Variants in VWF observed in about 807,000 individuals in gnomAD.
The protein encoded by VWF is Factor VIII related antigen.
In VWF, 176 loss-of-function variants were observed where a neutral mutation model predicts 308.6. The observed-to-expected ratio is 0.57, with a 90% CI of 0.50 to 0.65. The LOEUF (loss-of-function observed/expected upper bound fraction) is 0.65. Ranked by LOEUF, VWF falls within the 30% of genes least tolerant of loss-of-function variation. VWF has a pLI of 0.00. For missense variants in VWF, 3,146 were observed against 3,648.2 expected (o/e 0.86, Z 3.55); for synonymous variants, 1,385 against 1,443.4 (o/e 0.96, Z 0.92).
chr12:6,087,751 T>G (rs1396801736), intron 6 of VWF, among the ~76,000 whole-genome samples: 1 of 151,718 alleles, frequency 6.6e-6, no homozygotes, highest in Admixed American at 6.6e-5. Flanking sequence ...AGGTAGGGGG[T>G]TGAAGTAGAT....
intron 6 of VWF, among the ~76,000 whole-genome samples, chr12:6,084,167 T>C (rs1436394013): frequency 6.6e-6 from 1 of 152,146 alleles, no homozygotes; most frequent in Non-Finnish European, 1.5e-5. Flanking sequence ...TTCTGCAAAA[T>C]GAAATCAAAT....
intron 27 of VWF, chr12:6,021,299 C>G (rs992828441): frequency 3.2e-5 from 5 of 154,554 alleles, no homozygotes. Flanking sequence ...ATGCTCCCTA[C>G]TTATGAGCAG....
chr12:5,981,676 T>C, intron 42 of VWF, 110 bp downstream of exon 42: 2 of 1,236,276 alleles, frequency 1.6e-6, no homozygotes, highest in Non-Finnish European at 1.2e-6. Context: ...TAGCAAATAT[T>C]GGATGGGTAG....
rs1944835596 is a variant in VWF, at chr12:6,075,750, C to T, written c.658-199G>A. ...CTGGACCCGTGCAATGTGAAGTAGACCAAGGCTAAGGTTACATCCTAGACT... is the reference window on the plus strand; with the variant it reads ...CTGGACCCGTGCAATGTGAAGTAGATCAAGGCTAAGGTTACATCCTAGACT... On this transcript the variant is annotated intron_variant, in intron 6 of 51. Coordinates refer to ENST00000261405, the MANE Select transcript of VWF (RefSeq NM_000552.5). The surrounding 1 kb of genome is among the most constrained non-coding windows in gnomAD (Gnocchi z 4.7). Among the ~76,000 whole-genome samples the T allele has an allele frequency of 6.6e-6, 1 of 152,212 alleles. No homozygotes were observed. Among genetic ancestry groups the T allele is most frequent in the African/African-American group, 2.4e-5 (1 of 41,444 alleles).
intron 3 of VWF, 49 bp from the exon 4 acceptor site, chr12:6,111,017 A>T: frequency 6.7e-7 from 1 of 1,483,348 alleles, no homozygotes; most frequent in Non-Finnish European, 9.4e-7. Context: ...CTCTCAAAAA[A>T]TGAATACATT....
At chr12:6,021,296 C>G (rs1337968393) in intron 27 of VWF, 1 of 154,402 alleles carries the variant, frequency 6.5e-6, no homozygotes, top group Non-Finnish European at 1.4e-5. Context: ...TAAATGCTCC[C>G]TACTTATGAG....
chr12:6,011,630 G>A lies in VWF; in HGVS notation c.5829C>T (p.Arg1943=). ...PVKVEETCGC[R]WTCPCVCTGS... is the part of the protein sequence containing the mutation. ...CAAAGGACTCACAGGGGCAGGTCCAGCGGCAGCCACAGGTCTCTTCCACTT... is the reference window on the plus strand; with the variant it reads ...CAAAGGACTCACAGGGGCAGGTCCAACGGCAGCCACAGGTCTCTTCCACTT... The change falls in exon 34 of 52, where the codon CGC becomes CGT. Residue 1943 remains arginine (R), a synonymous_variant. Coordinates refer to ENST00000261405, the MANE Select transcript of VWF (RefSeq NM_000552.5). The A allele has an allele frequency of 6.2e-7, 1 of 1,609,574 alleles. No individual in the cohort carries two copies. Among genetic ancestry groups the A allele is most frequent in the Non-Finnish European group, 8.5e-7 (1 of 1,178,772 alleles).
At chr12:5,998,904 T>G (rs1159900535) in intron 34 of VWF, among the ~76,000 whole-genome samples, 2 of 152,084 alleles carry the variant, frequency 1.3e-5, no homozygotes, top group Non-Finnish European at 2.9e-5. Flanking sequence ...AACTTTTGTA[T>G]TTTTAGTGGA....
intron 42 of VWF, among the ~76,000 whole-genome samples, chr12:5,976,893 C>T (rs1185084062): frequency 6.6e-6 from 1 of 152,146 alleles, no homozygotes; most frequent in Non-Finnish European, 1.5e-5. Flanking sequence ...ACAGACAATG[C>T]TCGGACATCC....
intron 34 of VWF, among the ~76,000 whole-genome samples, chr12:5,998,259 A>G (rs551362079): frequency 8.8e-4 from 133 of 151,480 alleles, no homozygotes; most frequent in South Asian, 3.3e-3. Context: ...AGCACTTTGG[A>G]AGGCCGAGGC....
At chr12:6,051,396 A>G (rs1944509757) in intron 16 of VWF, among the ~76,000 whole-genome samples, 1 of 150,796 alleles carries the variant, frequency 6.6e-6, no homozygotes, top group Admixed American at 6.6e-5. Flanking sequence ...GGTTCAAGCA[A>G]TTCTCCTGCC....
intron 38 of VWF, among the ~76,000 whole-genome samples, chr12:5,986,195 G>A (rs899036333): frequency 1.3e-5 from 2 of 152,122 alleles, no homozygotes; most frequent in Admixed American, 6.5e-5. Context: ...CTTCTCGAAG[G>A]TACACACAGC....
intron 34 of VWF, among the ~76,000 whole-genome samples, chr12:5,998,560 C>T (rs1458127604): frequency 1.0e-4 from 13 of 124,528 alleles, no homozygotes; most frequent in African/African-American, 4.0e-4. Context: ...CCAGCCCCAA[C>T]GGTCATGAGA....
At chr12:6,106,041 CA>C (rs375396765) in intron 5 of VWF, among the ~76,000 whole-genome samples, 1 of 151,496 alleles carries the variant, frequency 6.6e-6, no homozygotes. Flanking sequence ...AACTCCATCT[CA>C]AAAAAAATAA....
At chr12:6,123,612 A>G (rs528626386) in intron 1 of VWF, among the ~76,000 whole-genome samples, 1 of 152,316 alleles carries the variant, frequency 6.6e-6, no homozygotes, top group African/African-American at 2.4e-5. Context: ...CCACCACAGC[A>G]GCCCAGACAT....
chr12:6,074,916 T>G (rs1035007607), intron 7 of VWF, among the ~76,000 whole-genome samples: 2 of 152,206 alleles, frequency 1.3e-5, no homozygotes. Context: ...GAATGCTTTC[T>G]GCTCTCTCAA....
intron 6 of VWF, among the ~76,000 whole-genome samples, chr12:6,081,106 A>G (rs967779467): frequency 6.6e-6 from 1 of 152,132 alleles, no homozygotes; most frequent in Non-Finnish European, 1.5e-5. Flanking sequence ...GCGTTCAGGA[A>G]AGGCTGAGGC....
chr12:6,102,774 G>A (rs1945180642), intron 5 of VWF, among the ~76,000 whole-genome samples: 1 of 151,934 alleles, frequency 6.6e-6, no homozygotes, highest in Non-Finnish European at 1.5e-5. Context: ...CCATGCTAAT[G>A]GATCAGAATT....
chr12:6,116,363 T>C (rs1040827422), intron 3 of VWF, among the ~76,000 whole-genome samples: 2 of 152,204 alleles, frequency 1.3e-5, no homozygotes, highest in East Asian at 3.8e-4. Context: ...GGCCAGGAGC[T>C]GGAACTACCG....
Sources: gnomAD v4.1 joint callset for allele counts (sites outside exome capture counted in the v4.1 genomes callset) on GRCh38, gnomAD v4.1.1 for gene constraint, Gnocchi (gnomAD v3.1) non-coding constraint, MANE v1.5 for transcripts, NCBI Gene and HGNC (gene_info 2026-07-23, HGNC 2026-07-21) for gene names.